ITGB3BP: variants seen among roughly 807,000 people sequenced by gnomAD.
ITGB3BP encodes the protein integrin subunit beta 3 binding protein.
ITGB3BP carries 27 observed loss-of-function variants against 29.1 expected under a neutral mutation model. That is an observed-to-expected ratio of 0.93 (90% CI 0.68 to 1.28). ITGB3BP has a LOEUF of 1.28. Ranked by LOEUF, ITGB3BP falls within the 50% of genes most tolerant of loss-of-function variation. ITGB3BP has a pLI of 0.00. For synonymous variants in ITGB3BP, 61 were observed against 61.4 expected (o/e 0.99, Z 0.03); for missense variants, 192 against 200.2 (o/e 0.96, Z 0.25).
At position 63,446,675 on chromosome 1, in the gene ITGB3BP, C is replaced by T. The variant is rs79066923; in HGVS notation, c.*1+131G>A. Reference sequence around the variant, plus strand: ...GATTAATATAAGTTCAACTAAAGCTCCAAAGCTATATCCCTATTTTCTTAC... The same window carrying T: ...GATTAATATAAGTTCAACTAAAGCTTCAAAGCTATATCCCTATTTTCTTAC... On this transcript the variant is annotated intron_variant, in intron 8 of 8. Transcript: ENST00000271002. The T allele has an allele frequency of 0.017, 11,454 of 674,994 alleles. 943 individuals are homozygous for T. In the African/African-American group the frequency reaches 0.18, roughly 11 times the overall value. 41.8% of individuals were successfully genotyped at this position (674,994 alleles called of 1,614,324 possible).
At chr1:63,503,338 C>T (rs1048822654) in intron 2 of ITGB3BP, among the ~76,000 whole-genome samples, 3 of 151,966 alleles carry the variant, frequency 2.0e-5, no homozygotes, top group Non-Finnish European at 4.4e-5. Flanking sequence ...TGTTCATATC[C>T]TTTGCCCACT....
intron 4 of ITGB3BP, among the ~76,000 whole-genome samples, chr1:63,467,634 A>G (rs1370466561): frequency 2.0e-5 from 3 of 152,162 alleles, no homozygotes; most frequent in Non-Finnish European, 4.4e-5. Context: ...GCTTCCCAAA[A>G]TGCTGAGATT....
At chr1:63,467,597 C>T (rs1415484639) in intron 4 of ITGB3BP, among the ~76,000 whole-genome samples, 2 of 152,080 alleles carry the variant, frequency 1.3e-5, no homozygotes, top group Non-Finnish European at 2.9e-5. Flanking sequence ...CCTTGAACTT[C>T]TGGGCTCAAG....
chr1:63,522,962 G>A, intron 1 of ITGB3BP, 167 bp downstream of exon 1: 1 of 813,918 alleles, frequency 1.2e-6, no homozygotes, highest in Non-Finnish European at 2.2e-6. Flanking sequence ...ACCGCTGGAG[G>A]AGACGTAGAG....
At chr1:63,468,046 G>A (rs1645129883) in intron 4 of ITGB3BP, among the ~76,000 whole-genome samples, 1 of 152,204 alleles carries the variant, frequency 6.6e-6, no homozygotes, top group African/African-American at 2.4e-5. Flanking sequence ...ACAGGACCCT[G>A]CCTAATGCCT....
intron 4 of ITGB3BP, among the ~76,000 whole-genome samples, chr1:63,469,648 G>A (rs975163775): frequency 6.6e-6 from 1 of 152,176 alleles, no homozygotes; most frequent in Non-Finnish European, 1.5e-5. Context: ...TTAACCCCAT[G>A]AACACTTATG....
chr1:63,455,244 G>GAATCAGTA, intron 4 of ITGB3BP, among the ~76,000 whole-genome samples: 1 of 151,964 alleles, frequency 6.6e-6, no homozygotes, highest in African/African-American at 2.4e-5. Context: ...CTTGATCTGA[G>GAATCAGTA]TCTATGAATC....
chr1:63,457,652 A>G (rs1415055181), intron 4 of ITGB3BP: 1 of 152,194 alleles, frequency 6.6e-6, no homozygotes, highest in Non-Finnish European at 1.5e-5. Context: ...AAGTATCATC[A>G]TTGGGTGCCA....
At chr1:63,459,910 C>T (rs1644989049) in intron 4 of ITGB3BP, among the ~76,000 whole-genome samples, 3 of 152,046 alleles carry the variant, frequency 2.0e-5, no homozygotes. Flanking sequence ...CAGAAATATG[C>T]ATTTCCAGGC....
intron 4 of ITGB3BP, among the ~76,000 whole-genome samples, chr1:63,464,571 T>C (rs1645069633): frequency 6.6e-6 from 1 of 152,186 alleles, no homozygotes; most frequent in African/African-American, 2.4e-5. Context: ...AAATTATGAC[T>C]ATGGCAATCA....
At chr1:63,445,447 A>T (rs902790740) in intron 8 of ITGB3BP, among the ~76,000 whole-genome samples, 6 of 152,222 alleles carry the variant, frequency 3.9e-5, no homozygotes, top group Non-Finnish European at 5.9e-5. Flanking sequence ...ATGCTTTGCA[A>T]ATATTAAGAC....
chr1:63,470,826 CCAAA>C (rs375890922), intron 4 of ITGB3BP, among the ~76,000 whole-genome samples: 107 of 152,268 alleles, frequency 7.0e-4, no homozygotes, highest in Middle Eastern at 3.4e-3. Flanking sequence ...TTAGATGTTG[CCAAA>C]CAGTTTCCCA....
chr1:63,459,100 A>G (rs1443496650), intron 4 of ITGB3BP, among the ~76,000 whole-genome samples: 1 of 152,038 alleles, frequency 6.6e-6, no homozygotes, highest in Non-Finnish European at 1.5e-5. Flanking sequence ...GTCTCACAGT[A>G]GAATTGACAG....
chr1:63,481,096 A>G (rs1645429497), intron 3 of ITGB3BP, among the ~76,000 whole-genome samples: 1 of 152,156 alleles, frequency 6.6e-6, no homozygotes, highest in Non-Finnish European at 1.5e-5. Context: ...TTTAACTTGT[A>G]ATTCATTTTC....
intron 4 of ITGB3BP, among the ~76,000 whole-genome samples, chr1:63,471,699 T>C (rs973611019): frequency 2.0e-5 from 3 of 152,240 alleles, no homozygotes; most frequent in Non-Finnish European, 4.4e-5. Flanking sequence ...GAGAAAAGGA[T>C]ATATACAACT....
At chr1:63,513,821 A>G (rs1420194842) in intron 1 of ITGB3BP, among the ~76,000 whole-genome samples, 1 of 152,220 alleles carries the variant, frequency 6.6e-6, no homozygotes, top group Non-Finnish European at 1.5e-5. Context: ...AACTAGTTTC[A>G]GAAGTGCTAA....
At chr1:63,464,190 A>G (rs7365546) in intron 4 of ITGB3BP, among the ~76,000 whole-genome samples, 111,483 of 152,060 alleles carry the variant, frequency 0.73, 42,952 homozygotes, top group Non-Finnish European at 0.85. Context: ...AAAATTCACG[A>G]ACAAGAAAAC....
intron 3 of ITGB3BP, among the ~76,000 whole-genome samples, chr1:63,489,734 T>C (rs980077836): frequency 6.6e-6 from 1 of 152,140 alleles, no homozygotes; most frequent in African/African-American, 2.4e-5. Context: ...TCTTAAGTTG[T>C]AGTGCAGCAG....
At chr1:63,483,212 A>G (rs1203902138) in intron 3 of ITGB3BP, among the ~76,000 whole-genome samples, 1 of 152,176 alleles carries the variant, frequency 6.6e-6, no homozygotes, top group African/African-American at 2.4e-5. Context: ...TGTTATTCTT[A>G]GAAATATTAA....
Sources: gnomAD v4.1 joint callset for allele counts (sites outside exome capture counted in the v4.1 genomes callset) on GRCh38, gnomAD v4.1.1 for gene constraint, MANE v1.5 for transcripts, NCBI Gene and HGNC (gene_info 2026-07-23, HGNC 2026-07-21) for gene names.